Variants in CNTN5 observed in about 807,000 individuals in gnomAD.
The protein encoded by CNTN5 is contactin-5.
CNTN5 carries 77 observed loss-of-function variants against 129.1 expected under a neutral mutation model. The observed-to-expected ratio is 0.60, with a 90% CI of 0.50 to 0.72. The LOEUF (loss-of-function observed/expected upper bound fraction) is 0.72. CNTN5 is among the 30% of genes least tolerant of loss of function. CNTN5 has a pLI of 0.00. For synonymous variants in CNTN5, 509 were observed against 465.6 expected (o/e 1.09, Z -1.20); for missense variants, 1,478 against 1,328.8 (o/e 1.11, Z -1.75).
chr11:100,345,213 G>T (rs1258996004), intron 23 of CNTN5, among the ~76,000 whole-genome samples: 2 of 152,098 alleles, frequency 1.3e-5, no homozygotes, highest in Non-Finnish European at 2.9e-5. Context: ...TCTGATGAGG[G>T]TCCACTTTTG....
intron 1 of CNTN5, among the ~76,000 whole-genome samples, chr11:99,296,756 G>C (rs546810909): frequency 6.6e-6 from 1 of 152,086 alleles, no homozygotes; most frequent in African/African-American, 2.4e-5. Context: ...AATTAAGCTG[G>C]TTTTTAACCA....
intron 3 of CNTN5, among the ~76,000 whole-genome samples, chr11:99,709,405 G>A (rs566193873): frequency 7.3e-6 from 1 of 137,510 alleles, no homozygotes; most frequent in South Asian, 2.4e-4. Flanking sequence ...TACATTGAAA[G>A]TCTCAGTCTG....
intron 1 of CNTN5, among the ~76,000 whole-genome samples, chr11:99,185,826 C>A (rs3990882): frequency 0.14 from 14,268 of 99,346 alleles, 1,731 homozygotes; most frequent in East Asian, 0.25. Context: ...ATCAAAATAA[C>A]GGAGAGGAAA....
intron 8 of CNTN5, among the ~76,000 whole-genome samples, chr11:99,994,454 C>T (rs1939320012): frequency 6.6e-6 from 1 of 152,156 alleles, no homozygotes; most frequent in African/African-American, 2.4e-5. Flanking sequence ...AAGTCCCTTT[C>T]TCCTAAGATC....
At chr11:99,246,124 CTTA>C (rs1326635823) in intron 1 of CNTN5, among the ~76,000 whole-genome samples, 3 of 152,100 alleles carry the variant, frequency 2.0e-5, no homozygotes, top group Admixed American at 6.6e-5. Context: ...CTTTATTTTA[CTTA>C]TTATGAAAAA....
intron 3 of CNTN5, among the ~76,000 whole-genome samples, chr11:99,743,315 T>C (rs1327344936): frequency 6.6e-6 from 1 of 152,190 alleles, no homozygotes; most frequent in African/African-American, 2.4e-5. Flanking sequence ...AGATTTATCC[T>C]ACTATCACAA....
chr11:99,181,996 C>T (rs114908264), intron 1 of CNTN5, among the ~76,000 whole-genome samples: 1,911 of 152,166 alleles, frequency 0.013, 27 homozygotes, highest in African/African-American at 0.042. Flanking sequence ...ATTATATCAC[C>T]ATACATTATG....
intron 6 of CNTN5, among the ~76,000 whole-genome samples, chr11:99,890,384 C>A (rs1460436719): frequency 6.6e-6 from 1 of 151,524 alleles, no homozygotes; most frequent in African/African-American, 2.4e-5. Flanking sequence ...CTCTCTCTTC[C>A]TTATATATAT....
Position 99,690,567 on chromosome 11 carries a change from G to A in CNTN5, c.56-128977G>A, listed in dbSNP as rs77012798. ...ATCTCTAAATTGCTTTAGTCAGTTC[G>A]GCCATTTTAAAAAAACTGATTCTTC... On this transcript the variant is annotated intron_variant, in intron 3 of 24. Coordinates refer to ENST00000524871, the MANE Select transcript of CNTN5 (RefSeq NM_014361.4). Among the ~76,000 whole-genome samples, 2,080 of 151,218 alleles carry A rather than the reference G, an allele frequency of 0.014. 119 individuals carry two copies. In the East Asian group the frequency reaches 0.19, roughly 14 times the overall value.
intron 2 of CNTN5, among the ~76,000 whole-genome samples, chr11:99,412,623 A>T (rs1003945020): frequency 6.6e-6 from 1 of 152,208 alleles, no homozygotes; most frequent in Non-Finnish European, 1.5e-5. Context: ...TAGGAAATAG[A>T]TGCCACTTTA....
intron 3 of CNTN5, among the ~76,000 whole-genome samples, chr11:99,687,331 A>G (rs73562030): frequency 0.02 from 3,095 of 152,268 alleles, 112 homozygotes; most frequent in African/African-American, 0.071. Flanking sequence ...ACTGTAATTT[A>G]CTAAGTAATT....
chr11:100,056,942 A>C (rs1943256230), intron 9 of CNTN5, among the ~76,000 whole-genome samples: 1 of 151,772 alleles, frequency 6.6e-6, no homozygotes, highest in South Asian at 2.1e-4. Flanking sequence ...TTAAACTTTT[A>C]TCATAAATAA....
intron 3 of CNTN5, among the ~76,000 whole-genome samples, chr11:99,698,705 G>A (rs1023725765): frequency 1.3e-5 from 2 of 151,528 alleles, no homozygotes; most frequent in Admixed American, 6.6e-5. Flanking sequence ...TTATACAGAA[G>A]TGTCTTTACA....
At chr11:99,710,507 G>T (rs1443133821) in intron 3 of CNTN5, among the ~76,000 whole-genome samples, 1 of 151,676 alleles carries the variant, frequency 6.6e-6, no homozygotes, top group Admixed American at 6.6e-5. Flanking sequence ...AATAGTTCAT[G>T]CAAGGGGCAT....
chr11:99,673,096 C>A (rs1288007766), intron 3 of CNTN5, among the ~76,000 whole-genome samples: 3 of 152,040 alleles, frequency 2.0e-5, no homozygotes, highest in Non-Finnish European at 4.4e-5. Flanking sequence ...ATTCTTGATC[C>A]TCAGCTTATA....
At chr11:99,077,329 A>C (rs560355422) in intron 1 of CNTN5, among the ~76,000 whole-genome samples, 3 of 152,360 alleles carry the variant, frequency 2.0e-5, no homozygotes, top group Admixed American at 6.5e-5. Context: ...TAATAATAGT[A>C]ATGATTAATT....
At chr11:99,981,551 A>G (rs1377480545) in intron 8 of CNTN5, among the ~76,000 whole-genome samples, 1 of 152,114 alleles carries the variant, frequency 6.6e-6, no homozygotes, top group Admixed American at 6.5e-5. Flanking sequence ...CCTCACAAAC[A>G]CACCCCAAAA....
At chr11:99,778,477 G>C (rs1945201188) in intron 3 of CNTN5, among the ~76,000 whole-genome samples, 1 of 151,738 alleles carries the variant, frequency 6.6e-6, no homozygotes. Context: ...AGAATAGATG[G>C]ATAAAAGCTC....
At position 99,909,042 on chromosome 11, in the gene CNTN5, C is replaced by T. The variant is rs562422013; in HGVS notation, c.578-7012C>T. Among the ~76,000 whole-genome samples, 107 of 152,142 alleles carry T rather than the reference C, an allele frequency of 7.0e-4. No homozygotes were observed. The Middle Eastern group carries it at 0.02, about 29-fold the overall frequency. On this transcript the variant is annotated intron_variant, in intron 6 of 24. Coordinates refer to ENST00000524871, the MANE Select transcript of CNTN5 (RefSeq NM_014361.4). ...GTCATTATCTTTACAGATTTTCCTT[C>T]CTCTTTCTCCAGCTGAATCTTAATT...
Sources: allele counts gnomAD v4.1 joint callset (sites outside exome capture counted in the v4.1 genomes callset), GRCh38; gene constraint gnomAD v4.1.1; transcripts MANE v1.5; gene names NCBI Gene and HGNC (gene_info 2026-07-23, HGNC 2026-07-21).